The following PCM1 variants were observed in gnomAD, a reference collection of about 807,000 sequenced individuals.
The protein encoded by PCM1 is pericentriolar material 1 protein.
A neutral mutation model predicts 241.9 loss-of-function variants in PCM1; 157 were observed. The ratio of observed to expected loss-of-function variants is 0.65; its 90% CI spans 0.57 to 0.74. PCM1 has a LOEUF of 0.74. PCM1 is among the 30% of genes least tolerant of loss of function. The pLI is 0.00. For synonymous variants in PCM1, 1,085 were observed against 784.9 expected (o/e 1.38, Z -6.39); for missense variants, 3,478 against 2,360.1 (o/e 1.47, Z -9.81).
At chr8:17,959,391 T>C (rs1158565778) in intron 13 of PCM1, among the ~76,000 whole-genome samples, 1 of 152,074 alleles carries the variant, frequency 6.6e-6, no homozygotes, top group Non-Finnish European at 1.5e-5. Flanking sequence ...CGATGGACTT[T>C]AGTTAATGTA....
chr8:18,001,948 A>G (rs375326959), intron 29 of PCM1, among the ~76,000 whole-genome samples: 32 of 131,470 alleles, frequency 2.4e-4, no homozygotes. Flanking sequence ...CAATTGCAAC[A>G]GTTCCTAAAT....
chr8:17,981,399 G>T (rs2080743129), intron 24 of PCM1, among the ~76,000 whole-genome samples: 1 of 152,064 alleles, frequency 6.6e-6, no homozygotes. Flanking sequence ...TTTCCTTGTA[G>T]CTTGTGTAAA....
intron 36 of PCM1, among the ~76,000 whole-genome samples, chr8:18,019,246 T>C (rs1008612334): frequency 5.9e-5 from 9 of 152,150 alleles, no homozygotes; most frequent in African/African-American, 2.2e-4. Context: ...GTATTCTGTC[T>C]ATATGTAGAT....
intron 7 of PCM1, among the ~76,000 whole-genome samples, chr8:17,948,585 C>G (rs146145926): frequency 1.3e-3 from 200 of 152,072 alleles, no homozygotes; most frequent in Admixed American, 3.2e-3. Context: ...TTACAGGCGT[C>G]AGCCACCGTG....
chr8:18,027,223 C>A (rs1046278876), intron 38 of PCM1, among the ~76,000 whole-genome samples: 3 of 152,158 alleles, frequency 2.0e-5, no homozygotes, highest in Admixed American at 2.0e-4. Context: ...AATATGGTAC[C>A]CTTCTCAGTT....
intron 5 of PCM1, among the ~76,000 whole-genome samples, chr8:17,939,331 A>C (rs974539194): frequency 6.6e-6 from 1 of 152,178 alleles, no homozygotes; most frequent in Non-Finnish European, 1.5e-5. Flanking sequence ...AATGGCAAAT[A>C]TTCTTTTGAA....
At position 18,006,282 on chromosome 8, in the gene PCM1, G is replaced by A; in HGVS notation, c.4847G>A (p.Cys1616Tyr). ...PFLKEHMDEV[C>Y]SSQLLTSVRR... ...TCTCAGGAGCACATGGATGAAGTAT[G>A]CTCCTCGCAGCTTCTAACTTCAGTA... Residue 1616 changes from cysteine (C) to tyrosine (Y), a missense_variant, in exon 30 of 39, where the codon TGC becomes TAC. Transcript: ENST00000325083. 3.1e-6 allele frequency: 5 copies of A among 1,610,188 alleles called. No homozygotes were observed. The highest frequency in any genetic ancestry group is 4.2e-6 in the Non-Finnish European group (5 of 1,177,344).
At position 17,993,539 on chromosome 8, in the gene PCM1, A is replaced by G. The variant is rs2085530480; in HGVS notation, c.4747A>G (p.Ile1583Val). 6.3e-7 allele frequency: 1 copy of G among 1,594,470 alleles called. No individual in the cohort carries two copies. Among genetic ancestry groups the G allele is most frequent in the Non-Finnish European group, 8.6e-7 (1 of 1,169,562 alleles). Residue 1583 changes from isoleucine to valine, a missense_variant, in exon 29 of 39, where the codon ATC (isoleucine) becomes GTC (valine). Coordinates refer to ENST00000325083, the MANE Select transcript of PCM1 (RefSeq NM_006197.4). ...SQQPVSEVST[I>V]PCPRIDTQQL... is the part of the protein sequence containing the mutation. ...ACAACCTGTAAGTGAAGTTTCTACC[A>G]TCCCATGTCCTAGAATTGATACTCA...
At chr8:17,943,171 G>A (rs2062722353) in intron 6 of PCM1, among the ~76,000 whole-genome samples, 1 of 141,838 alleles carries the variant, frequency 7.1e-6, no homozygotes, top group East Asian at 2.0e-4. Flanking sequence ...TATTTTATGG[G>A]TTTGTTGTAT....
At chr8:18,025,786 T>TATAA in intron 38 of PCM1, 128 bp downstream of exon 38, 2 of 600,514 alleles carry the variant, frequency 3.3e-6, no homozygotes, top group Non-Finnish European at 5.9e-6. Context: ...AGAAAGAAAG[T>TATAA]GTAATTCTGT....
intron 29 of PCM1, among the ~76,000 whole-genome samples, chr8:17,995,343 A>C (rs2086301341): frequency 6.6e-6 from 1 of 151,034 alleles, no homozygotes; most frequent in African/African-American, 2.5e-5. Context: ...TATTGTAGGT[A>C]TGTGGATTTG....
intron 36 of PCM1, among the ~76,000 whole-genome samples, chr8:18,017,564 C>CAAGGCTGGGCCAGGCAT (rs2093344075): frequency 6.6e-6 from 1 of 152,140 alleles, no homozygotes; most frequent in Non-Finnish European, 1.5e-5. Context: ...ATGAAGTTCC[C>CAAGGCTGGGCCAGGCAT]AAGGCTGGGC....
At position 17,950,615 on chromosome 8, in the gene PCM1, T is replaced by A; in HGVS notation, c.962T>A (p.Val321Asp). The change falls in exon 8 of 39, where the codon GTT becomes GAT. Residue 321 changes from valine (V) to aspartate (D), a missense_variant and splice_region_variant. Val to Asp is a radical substitution (Grantham distance 152). Transcript: ENST00000325083. ...TCAGTAGTTACTAATTTCTTTCCAG[T>A]TGTTGCAGAAACTGCAGGTAGCTTA... Reference protein sequence around the residue: ...EQAIAVMDDSVVAETAGSLSG... With the variant: ...EQAIAVMDDSDVAETAGSLSG... 1 of 1,538,482 alleles carries A rather than the reference T, an allele frequency of 6.5e-7. No homozygotes were observed. The highest frequency in any genetic ancestry group is 1.4e-5 in the African/African-American group (1 of 73,640).
chr8:17,992,208 C>G (rs1262904673), intron 28 of PCM1, among the ~76,000 whole-genome samples: 1 of 152,160 alleles, frequency 6.6e-6, no homozygotes, highest in Non-Finnish European at 1.5e-5. Flanking sequence ...TAAACATGCA[C>G]GTGCAAGTAT....
At chr8:17,957,149 G>A in intron 11 of PCM1, 115 bp from the exon 12 acceptor site, 1 of 733,248 alleles carries the variant, frequency 1.4e-6, no homozygotes, top group South Asian at 2.3e-5. Context: ...GAATTTAAAT[G>A]GAATAGCCAA....
At chr8:17,971,619 T>A (rs560054336) in intron 22 of PCM1, among the ~76,000 whole-genome samples, 15 of 152,348 alleles carry the variant, frequency 9.8e-5, no homozygotes, top group South Asian at 6.2e-4. Flanking sequence ...AAATTCTTGT[T>A]CTACTTGAAC....
At chr8:17,988,759 C>G (rs2129477865) in intron 26 of PCM1, among the ~76,000 whole-genome samples, 1 of 151,944 alleles carries the variant, frequency 6.6e-6, no homozygotes, top group South Asian at 2.1e-4. Flanking sequence ...ATTAAAGCCA[C>G]AGAAAATACC....
chr8:17,964,134 T>A (rs1326893187), intron 17 of PCM1, among the ~76,000 whole-genome samples: 1 of 152,204 alleles, frequency 6.6e-6, no homozygotes, highest in Non-Finnish European at 1.5e-5. Context: ...CAAATGAAAT[T>A]AAAAATTTAT....
chr8:18,019,219 A>T (rs1172901727), intron 36 of PCM1, among the ~76,000 whole-genome samples: 4 of 152,038 alleles, frequency 2.6e-5, no homozygotes, highest in Non-Finnish European at 4.4e-5. Flanking sequence ...TGTCAACCTT[A>T]CAATTCCATA....
Sources: allele counts gnomAD v4.1 joint callset (sites outside exome capture counted in the v4.1 genomes callset), GRCh38; gene constraint gnomAD v4.1.1; transcripts MANE v1.5; gene names NCBI Gene and HGNC (gene_info 2026-07-23, HGNC 2026-07-21).